CIITA: variants seen among roughly 807,000 people sequenced by gnomAD.
CIITA encodes the protein class II major histocompatibility complex transactivator.
CIITA carries 72 observed loss-of-function variants against 115.1 expected under a neutral mutation model. That is an observed-to-expected ratio of 0.63 (90% CI 0.52 to 0.76). The LOEUF (loss-of-function observed/expected upper bound fraction) is 0.76. Ranked by LOEUF, CIITA falls within the 30% of genes least tolerant of loss-of-function variation. CIITA has a pLI of 0.00. For missense variants in CIITA, 1,617 were observed against 1,463.8 expected (o/e 1.10, Z -1.71); for synonymous variants, 763 against 635.6 (o/e 1.20, Z -3.02).
chr16:10,890,037 C>G (rs1489094621), intron 1 of CIITA, among the ~76,000 whole-genome samples: 1 of 152,150 alleles, frequency 6.6e-6, no homozygotes, highest in Non-Finnish European at 1.5e-5. Context: ...GGCAGAAGTC[C>G]ACTGTGAGCT....
At chr16:10,921,437 G>A (rs1170451190) in intron 16 of CIITA, among the ~76,000 whole-genome samples, 2 of 152,210 alleles carry the variant, frequency 1.3e-5, no homozygotes, top group South Asian at 2.1e-4. Context: ...TAACTCATGC[G>A]ACCCTCACCA....
Position 10,901,988 on chromosome 16 carries a change from G to A in CIITA, c.482-50G>A. The A allele has an allele frequency of 3.7e-6, 6 of 1,611,376 alleles. No individual in the cohort carries two copies. Among genetic ancestry groups the A allele is most frequent in the Non-Finnish European group, 5.1e-6 (6 of 1,179,478 alleles). The stretch of plus-strand genomic sequence containing the variant: ...CCACTCCAGGGCCCTCCCCATCCCA[G>A]GAAGGCCCCTCCAAGCACCCAGTCT... On this transcript the variant is annotated intron_variant, in intron 6 of 19. Coordinates refer to ENST00000324288, the MANE Select transcript of CIITA (RefSeq NM_000246.4). This position sits in a 1 kb window ranked among gnomAD's most constrained non-coding sequence, Gnocchi z 6.8.
intron 1 of CIITA, among the ~76,000 whole-genome samples, chr16:10,891,919 G>C (rs1464507726): frequency 6.6e-6 from 1 of 152,230 alleles, no homozygotes; most frequent in Non-Finnish European, 1.5e-5. Flanking sequence ...TCATGAACAA[G>C]TGGGCCCAGC....
chr16:10,889,323 T>C (rs528258136), intron 1 of CIITA, among the ~76,000 whole-genome samples: 60 of 152,240 alleles, frequency 3.9e-4, no homozygotes, highest in African/African-American at 1.4e-3. Flanking sequence ...CATGCCAAGA[T>C]TCAAGTAGAT....
At chr16:10,867,720 C>T (rs2035186618) in intron 1 of CIITA, among the ~76,000 whole-genome samples, 1 of 152,206 alleles carries the variant, frequency 6.6e-6, no homozygotes, top group Non-Finnish European at 1.5e-5. Flanking sequence ...GTCTCCTACC[C>T]ACTTACAAAG....
intron 12 of CIITA, 72 bp downstream of exon 12, chr16:10,909,259 T>A (rs1689243347): frequency 6.5e-7 from 1 of 1,528,982 alleles, no homozygotes; most frequent in Admixed American, 1.7e-5. Flanking sequence ...ATTCTCAAGT[T>A]TGTCATGGGC....
chr16:10,935,702 A>G lies in CIITA; in HGVS notation c.*11847A>G, dbSNP rs1456994289. 1.3e-5 allele frequency: 2 copies of G among 152,236 alleles called. No homozygotes were observed. The highest frequency in any genetic ancestry group is 4.8e-5 in the African/African-American group (2 of 41,458). 9.4% of individuals were successfully genotyped at this position (152,236 alleles called of 1,614,324 possible). A position where few individuals can be genotyped will look rare whatever the true frequency, so the allele number is the denominator to read the frequency against. ...GGGGACAGATGGCATGTGCCTCTCG[A>G]TAAGATGCACTGAAGACACACACTC... On this transcript the variant is annotated 3_prime_UTR_variant, in exon 20 of 20. Coordinates refer to ENST00000324288, the MANE Select transcript of CIITA (RefSeq NM_000246.4).
At position 10,879,303 on chromosome 16, in the gene CIITA, G is replaced by A. The variant is rs2036167266; in HGVS notation, c.52+1921G>A. 6.6e-6 allele frequency among the ~76,000 whole-genome samples: 1 copy of A among 152,138 alleles called. No individual in the cohort carries two copies. Among genetic ancestry groups the A allele is most frequent in the African/African-American group, 2.4e-5 (1 of 41,424 alleles). On this transcript the variant is annotated intron_variant, in intron 1 of 19. Coordinates refer to ENST00000324288, the MANE Select transcript of CIITA (RefSeq NM_000246.4). The surrounding 1 kb of genome is among the most constrained non-coding windows in gnomAD (Gnocchi z 4.3). Reference sequence around the variant, plus strand: ...TGGGCGGGTGGCAGGAAAGCCTGGCGGCAGCTTCTGCAGAGAAGCCGGAGC... The same window carrying A: ...TGGGCGGGTGGCAGGAAAGCCTGGCAGCAGCTTCTGCAGAGAAGCCGGAGC...
chr16:10,919,210 T>C (rs979843094), intron 16 of CIITA, among the ~76,000 whole-genome samples: 6 of 152,196 alleles, frequency 3.9e-5, no homozygotes, highest in African/African-American at 1.4e-4. Flanking sequence ...ATTTCTGTTT[T>C]TGAGATGGAG....
chr16:10,878,777 C>G (rs889459105), intron 1 of CIITA, among the ~76,000 whole-genome samples: 1 of 152,232 alleles, frequency 6.6e-6, no homozygotes, highest in African/African-American at 2.4e-5. Context: ...TGTGAGGAAC[C>G]GACTGGAGGC....
Position 10,925,720 on chromosome 16 carries a change from A to G in CIITA, c.*1865A>G, listed in dbSNP as rs45556043. ...TGTGTGCACGTACACACACATACAC[A>G]CACACGCGTGCACACACCAGAGCCC... On this transcript the variant is annotated 3_prime_UTR_variant, in exon 20 of 20. Transcript: ENST00000324288. The G allele has an allele frequency of 0.025, 3,744 of 152,338 alleles. 61 individuals carry two copies. Among genetic ancestry groups the G allele is most frequent in the Non-Finnish European group, 0.037 (2,542 of 68,028 alleles). 9.4% of individuals were successfully genotyped at this position (152,338 alleles called of 1,614,324 possible). A position where few individuals can be genotyped will look rare whatever the true frequency, so the allele number is the denominator to read the frequency against.
intron 3 of CIITA, among the ~76,000 whole-genome samples, chr16:10,897,891 G>C (rs2038298088): frequency 6.6e-6 from 1 of 151,904 alleles, no homozygotes; most frequent in Non-Finnish European, 1.5e-5. Context: ...GCTCCCCATT[G>C]CTTATAAAAT....
upstream of CIITA, among the ~76,000 whole-genome samples, chr16:10,872,525 A>T (rs1231749058): frequency 2.6e-5 from 4 of 152,202 alleles, no homozygotes; most frequent in African/African-American, 7.2e-5. Flanking sequence ...TTATCAGTTA[A>T]TCCATTTCTC....
chr16:10,868,538 G>T (rs2035250915), intron 1 of CIITA, among the ~76,000 whole-genome samples: 1 of 152,124 alleles, frequency 6.6e-6, no homozygotes, highest in Admixed American at 6.5e-5. Flanking sequence ...AGTCACCTAG[G>T]CAAAGGGGCA....
chr16:10,920,245 T>TTTTTC lies in CIITA; in HGVS notation c.3149+1734_3149+1738dup, dbSNP rs1329389589. ...CACTTGATCTGATTTACACTTTTCT[T>TTTTTC]TTTTCTTTTCTTTTCTTTTTGAGAC... On this transcript the variant is annotated intron_variant, in intron 16 of 19. Coordinates refer to ENST00000324288, the MANE Select transcript of CIITA (RefSeq NM_000246.4). The surrounding 1 kb of genome is among the most constrained non-coding windows in gnomAD (Gnocchi z 4.5). 6.6e-6 allele frequency among the ~76,000 whole-genome samples: 1 copy of TTTTTC among 152,148 alleles called. No individual in the cohort carries two copies. The highest frequency in any genetic ancestry group is 1.5e-5 in the Non-Finnish European group (1 of 68,026).
Position 10,918,454 on chromosome 16 carries a change from A to G in CIITA, c.3077A>G (p.Asn1026Ser). 6.2e-7 allele frequency: 1 copy of G among 1,614,148 alleles called. No homozygotes were observed. The highest frequency in any genetic ancestry group is 8.5e-7 in the Non-Finnish European group (1 of 1,180,008). ...TGTCCCCGCAGTCTGTCCCAGAACA[A>G]CATCACTGACCTGGGTGCCTACAAA... Reference protein sequence around the residue: ...SLETLNLSQNNITDLGAYKLA... With the variant: ...SLETLNLSQNSITDLGAYKLA... The change falls in exon 16 of 20, where the codon AAC becomes AGC. Residue 1026 changes from asparagine to serine, a missense_variant. Coordinates refer to ENST00000324288, the MANE Select transcript of CIITA (RefSeq NM_000246.4).
chr16:10,913,964 AATAG>A (rs112691237), intron 13 of CIITA, among the ~76,000 whole-genome samples: 42,675 of 150,290 alleles, frequency 0.28, 6,398 homozygotes, highest in South Asian at 0.33. Context: ...TAAATAAATA[AATAG>A]AACTCCATTC....
chr16:10,915,981 ATCCTTTCGTGACCTTTGAAAC>A (rs1179013970), intron 14 of CIITA, among the ~76,000 whole-genome samples: 5 of 152,188 alleles, frequency 3.3e-5, no homozygotes, highest in African/African-American at 1.2e-4. Context: ...AAAGTTGTAG[ATCCTTTCGTGACCTTTGAAAC>A]TCCTTTCCTC....
chr16:10,936,573 TGTAA>T (rs1273770802), downstream of CIITA: 9 of 152,268 alleles, frequency 5.9e-5, no homozygotes, highest in African/African-American at 1.9e-4. Flanking sequence ...GCAACTTTTC[TGTAA>T]GTGTGAAATT....
Sources: gnomAD v4.1 joint callset for allele counts (sites outside exome capture counted in the v4.1 genomes callset) on GRCh38, gnomAD v4.1.1 for gene constraint, Gnocchi (gnomAD v3.1) non-coding constraint, MANE v1.5 for transcripts, NCBI Gene and HGNC (gene_info 2026-07-23, HGNC 2026-07-21) for gene names.